The following PTPN21 variants were observed in gnomAD, a reference collection of about 807,000 sequenced individuals.
PTPN21 encodes the protein tyrosine-protein phosphatase non-receptor type 21.
PTPN21 carries 77 observed loss-of-function variants against 131.8 expected under a neutral mutation model. The ratio of observed to expected loss-of-function variants is 0.58; its 90% CI spans 0.49 to 0.71. The LOEUF (loss-of-function observed/expected upper bound fraction) is 0.71, where lower values mean the gene tolerates loss of function less well. PTPN21 is among the 30% of genes least tolerant of loss of function. PTPN21 has a pLI of 0.00. For synonymous variants in PTPN21, 715 were observed against 621.3 expected, an observed-to-expected ratio of 1.15 and a Z score of -2.24; for missense variants, 1,552 against 1,527.1, an observed-to-expected ratio of 1.02 and a Z score of -0.27.
Position 88,550,445 on chromosome 14 carries a change from C to G in PTPN21, c.-28G>C, listed in dbSNP as rs2078848579. 6.2e-7 allele frequency: 1 copy of G among 1,603,660 alleles called. No homozygotes were observed. The highest frequency in any genetic ancestry group is 1.7e-5 in the Admixed American group (1 of 59,496). On this transcript the variant is annotated 5_prime_UTR_variant, in exon 2 of 19. Coordinates refer to ENST00000556564, the MANE Select transcript of PTPN21 (RefSeq NM_007039.4). Reference sequence around the variant, plus strand: ...TCTTCTTTCTTCAAGAATGGAGGAGCAAAGAGGGAAAAGCTACCCCCACCA... The same window carrying G: ...TCTTCTTTCTTCAAGAATGGAGGAGGAAAGAGGGAAAAGCTACCCCCACCA...
chr14:88,485,235 ATTCT>A (rs2077715497), intron 11 of PTPN21, 75 bp from the exon 12 acceptor site: 1 of 919,938 alleles, frequency 1.1e-6, no homozygotes, highest in Non-Finnish European at 1.6e-6. Flanking sequence ...TATCCACTGG[ATTCT>A]TTCTGTTAAA....
chr14:88,524,103 T>C (rs2078440452), intron 2 of PTPN21, among the ~76,000 whole-genome samples: 1 of 152,142 alleles, frequency 6.6e-6, no homozygotes, highest in Non-Finnish European at 1.5e-5. Context: ...CCAATATGCT[T>C]TTTCATAGAG....
intron 10 of PTPN21, among the ~76,000 whole-genome samples, chr14:88,494,756 G>C (rs923921307): frequency 3.9e-5 from 6 of 152,218 alleles, no homozygotes; most frequent in African/African-American, 1.4e-4. Flanking sequence ...GCTCACACCT[G>C]TAATCCCAGC....
intron 2 of PTPN21, among the ~76,000 whole-genome samples, chr14:88,545,740 A>C (rs914816235): frequency 6.6e-6 from 1 of 152,182 alleles, no homozygotes; most frequent in African/African-American, 2.4e-5. Context: ...AGGCAGACGG[A>C]TCATGAGGTC....
chr14:88,529,216 C>G (rs140386484), intron 2 of PTPN21, among the ~76,000 whole-genome samples: 1 of 152,254 alleles, frequency 6.6e-6, no homozygotes, highest in African/African-American at 2.4e-5. Context: ...AATGCCTTTT[C>G]TGCATCTATT....
chr14:88,547,294 T>C (rs1419071884), intron 2 of PTPN21, among the ~76,000 whole-genome samples: 1 of 11,126 alleles, frequency 9.0e-5, no homozygotes, highest in African/African-American at 2.4e-4. Context: ...GAAACCATAA[T>C]AGGAAAAAAA....
chr14:88,501,035 AG>A, intron 7 of PTPN21, 164 bp from the exon 8 acceptor site: 1 of 641,596 alleles, frequency 1.6e-6, no homozygotes, highest in Non-Finnish European at 2.8e-6. Flanking sequence ...CTTATAGGTA[AG>A]TATAAAAATT....
chr14:88,526,297 C>T (rs982713812), intron 2 of PTPN21, among the ~76,000 whole-genome samples: 2 of 151,984 alleles, frequency 1.3e-5, no homozygotes, highest in Admixed American at 1.3e-4. Context: ...CATCTATAAT[C>T]CCAGCACTTT....
intron 3 of PTPN21, among the ~76,000 whole-genome samples, chr14:88,510,574 A>G (rs1382827154): frequency 6.6e-6 from 1 of 152,208 alleles, no homozygotes; most frequent in Non-Finnish European, 1.5e-5. Context: ...TTCATTTAGT[A>G]TGTTACATGA....
intron 2 of PTPN21, among the ~76,000 whole-genome samples, chr14:88,533,602 G>A (rs962990934): frequency 4.6e-5 from 7 of 152,074 alleles, no homozygotes; most frequent in Non-Finnish European, 8.8e-5. Context: ...TTAACTGTAG[G>A]CCAGGTGCAG....
At chr14:88,510,757 T>A (rs1337771264) in intron 3 of PTPN21, among the ~76,000 whole-genome samples, 2 of 152,162 alleles carry the variant, frequency 1.3e-5, no homozygotes, top group Admixed American at 1.3e-4. Context: ...GGATTTGTTA[T>A]GAGAATTAAA....
At chr14:88,522,872 ATAGG>A (rs1370093104) in intron 2 of PTPN21, among the ~76,000 whole-genome samples, 2 of 152,128 alleles carry the variant, frequency 1.3e-5, no homozygotes, top group African/African-American at 4.8e-5. Context: ...TGTTTCTAAA[ATAGG>A]TAGGTGGAGC....
At position 88,497,301 on chromosome 14, in the gene PTPN21, G is replaced by A. The variant is rs755526305; in HGVS notation, c.765-11C>T. The stretch of plus-strand genomic sequence containing the variant: ...GCAATGTCATGCCACCTAAAGAACA[G>A]CAAATAGAGAACTGGCAATGTGAGT... On this transcript the variant is annotated splice_polypyrimidine_tract_variant and intron_variant, in intron 8 of 18. Transcript: ENST00000556564. The A allele has an allele frequency of 2.5e-6, 4 of 1,603,744 alleles. No individual in the cohort carries two copies. The African/African-American group carries it at 5.4e-5, about 21-fold the overall frequency.
At chr14:88,507,209 T>C (rs1413448143) in intron 4 of PTPN21, among the ~76,000 whole-genome samples, 1 of 152,152 alleles carries the variant, frequency 6.6e-6, no homozygotes, top group East Asian at 1.9e-4. Flanking sequence ...GACTGGCATA[T>C]CTTTCTTCTT....
intron 7 of PTPN21, 74 bp from the exon 8 acceptor site, chr14:88,500,945 T>G: frequency 9.3e-7 from 1 of 1,079,584 alleles, no homozygotes; most frequent in African/African-American, 1.6e-5. Context: ...TTCCCTGGAC[T>G]GGTTTCCCAG....
intron 2 of PTPN21, among the ~76,000 whole-genome samples, chr14:88,535,085 G>A (rs2078611029): frequency 6.6e-6 from 1 of 151,940 alleles, no homozygotes; most frequent in African/African-American, 2.4e-5. Context: ...CATTTTTACT[G>A]CACCTTTTCT....
chr14:88,511,701 T>C (rs1363112177), intron 3 of PTPN21, among the ~76,000 whole-genome samples: 1 of 152,022 alleles, frequency 6.6e-6, no homozygotes, highest in Non-Finnish European at 1.5e-5. Flanking sequence ...AGTAATAAAA[T>C]GTAACATGCA....
At chr14:88,523,092 C>CA (rs1450671534) in intron 2 of PTPN21, among the ~76,000 whole-genome samples, 2 of 152,048 alleles carry the variant, frequency 1.3e-5, no homozygotes, top group Admixed American at 1.3e-4. Flanking sequence ...CTTTCTAACT[C>CA]AATCTATAGG....
At chr14:88,542,175 A>G (rs2078716597) in intron 2 of PTPN21, among the ~76,000 whole-genome samples, 2 of 152,234 alleles carry the variant, frequency 1.3e-5, no homozygotes, top group Non-Finnish European at 2.9e-5. Flanking sequence ...TGAAAATGGA[A>G]AAGATAATAC....
Sources: gnomAD v4.1 joint callset for allele counts (sites outside exome capture counted in the v4.1 genomes callset) on GRCh38, gnomAD v4.1.1 for gene constraint, MANE v1.5 for transcripts, NCBI Gene and HGNC (gene_info 2026-07-23, HGNC 2026-07-21) for gene names.